RIN3: variants seen among roughly 807,000 people sequenced by gnomAD.
The protein encoded by RIN3 is Ras and Rab interactor 3.
In RIN3, 54 loss-of-function variants were observed where a neutral mutation model predicts 76.3. That is an observed-to-expected ratio of 0.71 (90% confidence interval 0.57 to 0.89). The LOEUF is 0.89. Among genes scored for constraint, RIN3 ranks in the 40% least tolerant of loss-of-function variants. RIN3 has a pLI of 0.00. For missense variants in RIN3, 1,256 were observed against 1,322.1 expected (o/e 0.95, Z 0.78); for synonymous variants, 576 against 564.0 (o/e 1.02, Z -0.30).
At chr14:92,613,134 C>T (rs1176128845) in intron 3 of RIN3, among the ~76,000 whole-genome samples, 1 of 152,228 alleles carries the variant, frequency 6.6e-6, no homozygotes. Context: ...TCCAGGCATT[C>T]CTGAGGAAGG....
intron 3 of RIN3, 120 bp downstream of exon 3, chr14:92,577,597 G>A (rs926407926): frequency 1.6e-6 from 1 of 609,770 alleles, no homozygotes; most frequent in Non-Finnish European, 3.0e-6. Context: ...ATTAGAAGGA[G>A]GAAAAGCTTT....
intron 5 of RIN3, 65 bp from the exon 6 acceptor site, chr14:92,651,517 G>T: frequency 2.9e-6 from 1 of 341,400 alleles, no homozygotes; most frequent in Non-Finnish European, 5.7e-6. Flanking sequence ...CACAGACCCC[G>T]CCCAGCACAG....
At chr14:92,597,703 A>C (rs949653583) in intron 3 of RIN3, among the ~76,000 whole-genome samples, 1 of 152,058 alleles carries the variant, frequency 6.6e-6, no homozygotes, top group African/African-American at 2.4e-5. Context: ...CCGTTCTTAT[A>C]TCATGGTCTT....
At chr14:92,599,977 C>G (rs1016196414) in intron 3 of RIN3, among the ~76,000 whole-genome samples, 2 of 152,150 alleles carry the variant, frequency 1.3e-5, no homozygotes, top group Non-Finnish European at 2.9e-5. Flanking sequence ...AACTGAGAGA[C>G]TTCTCTTTGC....
intron 7 of RIN3, among the ~76,000 whole-genome samples, chr14:92,673,505 T>C (rs1888357749): frequency 7.0e-6 from 1 of 143,130 alleles, no homozygotes; most frequent in Non-Finnish European, 1.5e-5. Context: ...GAACAAAATA[T>C]CCACTTTTTT....
chr14:92,588,489 G>T (rs576758244), intron 3 of RIN3, among the ~76,000 whole-genome samples: 1 of 151,848 alleles, frequency 6.6e-6, no homozygotes, highest in Non-Finnish European at 1.5e-5. Context: ...GCCTCCCAAA[G>T]TGCTGGGATT....
Position 92,652,046 on chromosome 14 carries a change from C to A in RIN3, c.997C>A (p.Pro333Thr). The change falls in exon 6 of 10, where the codon CCG becomes ACG. Residue 333 changes from proline (P) to threonine (T), a missense_variant. Pro to Thr is a conservative substitution (Grantham distance 38, BLOSUM62 -1). Coordinates refer to ENST00000216487, the MANE Select transcript of RIN3 (RefSeq NM_024832.5). This position sits in a 1 kb window ranked among gnomAD's most constrained non-coding sequence, Gnocchi z 6.4. Reference sequence around the variant, plus strand: ...CCATGCCCCAGGTCCCCCAGACCATCCGAACCAGCCGCCCATGATGACCTG... The same window carrying A: ...CCATGCCCCAGGTCCCCCAGACCATACGAACCAGCCGCCCATGATGACCTG... ...TPHAPGPPDH[P>T]NQPPMMTCER... is the part of the protein sequence containing the mutation. 5 of 1,601,970 alleles carry A rather than the reference C, an allele frequency of 3.1e-6. No homozygotes were observed. Among genetic ancestry groups the A allele is most frequent in the Non-Finnish European group, 4.2e-6 (5 of 1,179,464 alleles).
intron 1 of RIN3, among the ~76,000 whole-genome samples, chr14:92,547,499 A>T: frequency 6.8e-6 from 1 of 147,620 alleles, no homozygotes; most frequent in African/African-American, 2.6e-5. Flanking sequence ...GGCTCAAGCG[A>T]TCCTCCTGCC....
At chr14:92,543,618 CTTTTTTTTTTTTT>C (rs3033757) in intron 1 of RIN3, among the ~76,000 whole-genome samples, 5 of 84,886 alleles carry the variant, frequency 5.9e-5, no homozygotes, top group African/African-American at 1.5e-4. Context: ...AAGGCTTTTG[CTTTTTTTTTTTTT>C]TTTTTTTTTT....
In RIN3 at chr14:92,685,359, T is replaced by C; in HGVS notation, c.2631+209T>C. ...GGACTTGGGTGCGTCTAGAAACATA[T>C]CAGCAGGCATTGGTGTTCTCCCTGG... is the stretch of plus-strand genomic sequence containing the variant. On this transcript the variant is annotated intron_variant, in intron 9 of 9. Transcript: ENST00000216487. The surrounding 1 kb of genome is among the most constrained non-coding windows in gnomAD (Gnocchi z 4.7). 1.8e-6 allele frequency: 1 copy of C among 570,962 alleles called. No homozygotes were observed. The highest frequency in any genetic ancestry group is 4.6e-4 in the Middle Eastern group (1 of 2,192). The allele number at this position is 570,962 out of a possible 1,614,324, so 35.4% of individuals were successfully genotyped here.
rs142633911 is a variant in RIN3 at position 92,679,966 on chromosome 14, G to A, written c.2467+3360G>A. Among the ~76,000 whole-genome samples, 655 of 152,240 alleles carry A rather than the reference G, an allele frequency of 4.3e-3. 5 individuals carry two copies. Among genetic ancestry groups the A allele is most frequent in the African/African-American group, 0.015 (614 of 41,550 alleles). On this transcript the variant is annotated intron_variant, in intron 8 of 9. Coordinates refer to ENST00000216487, the MANE Select transcript of RIN3 (RefSeq NM_024832.5). ...GTTTTCAAACTGTCTGGATGCTCTC[G>A]TATTCTGCAGTGGTGGCTTGGTGTT...
chr14:92,538,606 A>G (rs1897064444), intron 1 of RIN3, among the ~76,000 whole-genome samples: 1 of 152,174 alleles, frequency 6.6e-6, no homozygotes, highest in South Asian at 2.1e-4. Flanking sequence ...CTTCATTTGC[A>G]TTTTAAAAGT....
At chr14:92,646,167 G>T (rs1271155292) in intron 5 of RIN3, among the ~76,000 whole-genome samples, 1 of 152,158 alleles carries the variant, frequency 6.6e-6, no homozygotes, top group East Asian at 1.9e-4. Context: ...CTCAGGGCTT[G>T]CTGAGTTTGA....
At chr14:92,603,078 A>T (rs1885401390) in intron 3 of RIN3, among the ~76,000 whole-genome samples, 1 of 152,094 alleles carries the variant, frequency 6.6e-6, no homozygotes, top group Non-Finnish European at 1.5e-5. Flanking sequence ...CCTGCATCGC[A>T]CTCGGCCCAG....
At chr14:92,650,311 C>T (rs959274372) in intron 5 of RIN3, among the ~76,000 whole-genome samples, 1 of 152,234 alleles carries the variant, frequency 6.6e-6, no homozygotes, top group Non-Finnish European at 1.5e-5. Context: ...TGACACAGGG[C>T]GAGTGCTTTC....
intron 7 of RIN3, among the ~76,000 whole-genome samples, chr14:92,665,931 A>C (rs1399119734): frequency 6.6e-6 from 1 of 151,864 alleles, no homozygotes; most frequent in East Asian, 1.9e-4. Context: ...TGTGTAGTCT[A>C]TGGCCTTGCT....
chr14:92,524,578 G>T (rs1896680235), intron 1 of RIN3, among the ~76,000 whole-genome samples: 1 of 152,222 alleles, frequency 6.6e-6, no homozygotes, highest in South Asian at 2.1e-4. Context: ...GATTTAGCTG[G>T]GTGGGCTGTC....
At chr14:92,575,120 A>G (rs1433435472) in intron 2 of RIN3, among the ~76,000 whole-genome samples, 1 of 151,920 alleles carries the variant, frequency 6.6e-6, no homozygotes, top group Non-Finnish European at 1.5e-5. Context: ...AATTAATAAT[A>G]TTAATATGGT....
chr14:92,561,042 A>ATATATATATATATATATATATATATAT lies in RIN3; in HGVS notation c.249+5087_249+5088insTATATATATATATATATATATATATAT, dbSNP rs1461986249. Among the ~76,000 whole-genome samples, 135 of 19,188 alleles carry ATATATATATATATATATATATATATAT rather than the reference A, an allele frequency of 7.0e-3. 12 individuals are homozygous for ATATATATATATATATATATATATATAT. Among genetic ancestry groups the ATATATATATATATATATATATATATAT allele is most frequent in the East Asian group, 0.025 (4 of 162 alleles). The allele number at this position is 19,188 out of a possible 152,430, so 12.6% of individuals were successfully genotyped here. A position where few individuals can be genotyped will look rare whatever the true frequency, so the allele number is the denominator to read the frequency against. On this transcript the variant is annotated intron_variant, in intron 2 of 9. Transcript: ENST00000216487. ...GTCTAAAAAAAAAAAAAAAAAAAAA[A>ATATATATATATATATATATATATATAT]AAATATATATATATCTGCCATATAT...
Sources: allele counts gnomAD v4.1 joint callset (sites outside exome capture counted in the v4.1 genomes callset), GRCh38; gene constraint gnomAD v4.1.1; non-coding constraint Gnocchi (gnomAD v3.1); transcripts MANE v1.5; gene names NCBI Gene and HGNC (gene_info 2026-07-23, HGNC 2026-07-21).